FRK: variants seen among roughly 807,000 people sequenced by gnomAD.
FRK encodes fyn related Src family tyrosine kinase, also known as tyrosine-protein kinase FRK.
A neutral mutation model predicts 56.4 loss-of-function variants in FRK; 51 were observed. The observed-to-expected ratio is 0.90, with a 90% confidence interval of 0.72 to 1.14. The LOEUF (loss-of-function observed/expected upper bound fraction) is 1.14. FRK is among the 50% of genes most tolerant of loss of function. FRK has a pLI of 0.00. For missense variants in FRK, 570 were observed against 601.4 expected, an observed-to-expected ratio of 0.95 and a Z score of 0.55; for synonymous variants, 245 against 217.9, an observed-to-expected ratio of 1.12 and a Z score of -1.10.
chr6:116,014,520 T>C (rs1378616755), intron 1 of FRK, among the ~76,000 whole-genome samples: 1 of 151,882 alleles, frequency 6.6e-6, no homozygotes, highest in Non-Finnish European at 1.5e-5. Flanking sequence ...AAAAAGGTAT[T>C]TGTGAGCAGA....
At chr6:116,000,192 G>A (rs1479758110) in intron 2 of FRK, among the ~76,000 whole-genome samples, 1 of 110,678 alleles carries the variant, frequency 9.0e-6, no homozygotes, top group Non-Finnish European at 1.9e-5. Flanking sequence ...TCTACTTTAA[G>A]TTTGTTTTCC....
At chr6:116,061,948 G>GAAGA (rs1169154041), upstream of FRK, among the ~76,000 whole-genome samples, 4 of 127,664 alleles carry the variant, frequency 3.1e-5, no homozygotes, top group Admixed American at 2.3e-4. Context: ...AGAAAGAAAG[G>GAAGA]AAGAAAGAAA....
At chr6:116,020,435 G>A (rs1385135528) in intron 1 of FRK, among the ~76,000 whole-genome samples, 1 of 151,962 alleles carries the variant, frequency 6.6e-6, no homozygotes, top group Non-Finnish European at 1.5e-5. Context: ...AGGATTACAG[G>A]CACACGCCAC....
At chr6:116,027,300 T>G (rs564710067) in intron 1 of FRK, among the ~76,000 whole-genome samples, 1 of 152,304 alleles carries the variant, frequency 6.6e-6, no homozygotes, top group African/African-American at 2.4e-5. Context: ...CAGCATAATT[T>G]TTTAAACTGT....
intron 1 of FRK, among the ~76,000 whole-genome samples, chr6:116,054,924 T>C (rs1013575986): frequency 6.6e-6 from 1 of 152,100 alleles, no homozygotes; most frequent in Admixed American, 6.6e-5. Context: ...CCACATTGTT[T>C]CTATACCTAT....
At chr6:115,990,612 A>G (rs962166963) in intron 2 of FRK, among the ~76,000 whole-genome samples, 1 of 151,500 alleles carries the variant, frequency 6.6e-6, no homozygotes, top group African/African-American at 2.4e-5. Context: ...TGGGTTATCT[A>G]TTCTGTTCTA....
Position 115,940,351 on chromosome 6 carries a change from TG to T in FRK, c.*2062del, listed in dbSNP as rs1239391790. 3.9e-5 allele frequency: 6 copies of T among 152,078 alleles called. No homozygotes were observed. Among genetic ancestry groups the T allele is most frequent in the Non-Finnish European group, 7.4e-5 (5 of 68,010 alleles). 9.4% of individuals were successfully genotyped at this position (152,078 alleles called of 1,614,324 possible). The stretch of plus-strand genomic sequence containing the variant: ...ACTCAAGATGGATTAAAGACTTAAA[TG>T]TAAGACCTAAAACCATAAAAACCCT... On this transcript the variant is annotated 3_prime_UTR_variant, in exon 8 of 8. Coordinates refer to ENST00000606080, the MANE Select transcript of FRK (RefSeq NM_002031.3).
rs1734942816 is a variant in FRK at position 115,958,634 on chromosome 6, GGAAAGAAAGAAAA to G, written c.800-2037_800-2025del. Among the ~76,000 whole-genome samples the G allele has an allele frequency of 6.8e-4, 38 of 55,756 alleles. 5 individuals carry two copies. The highest frequency in any genetic ancestry group is 2.4e-3 in the African/African-American group (37 of 15,430). 36.6% of individuals were successfully genotyped at this position (55,756 alleles called of 152,430 possible). A position where few individuals can be genotyped will look rare whatever the true frequency, so the allele number is the denominator to read the frequency against. ...TAGAGTGAGACTCTGTCTCAAAAAA[GGAAAGAAAGAAAA>G]GAAAGAAAGAAAGAAAGAAAGAAAG... On this transcript the variant is annotated intron_variant, in intron 4 of 7. Coordinates refer to ENST00000606080, the MANE Select transcript of FRK (RefSeq NM_002031.3).
intron 2 of FRK, among the ~76,000 whole-genome samples, chr6:115,979,027 G>A (rs971426572): frequency 2.0e-5 from 3 of 149,782 alleles, no homozygotes; most frequent in African/African-American, 7.4e-5. Context: ...GTACTCTAGC[G>A]TGGACAACAG....
the FRK span, among the ~76,000 whole-genome samples, chr6:116,100,423 G>A: frequency 6.6e-6 from 1 of 152,234 alleles, no homozygotes; most frequent in Non-Finnish European, 1.5e-5. Flanking sequence ...GGGTCAGAGG[G>A]ATATTAGCGG....
At chr6:115,996,735 A>G (rs536911357) in intron 2 of FRK, among the ~76,000 whole-genome samples, 9 of 152,336 alleles carry the variant, frequency 5.9e-5, no homozygotes, top group African/African-American at 2.2e-4. Context: ...AAGATAGAGA[A>G]GAAGCATGAA....
At chr6:116,035,179 G>C (rs1582738971) in intron 1 of FRK, among the ~76,000 whole-genome samples, 1 of 152,042 alleles carries the variant, frequency 6.6e-6, no homozygotes, top group African/African-American at 2.4e-5. Context: ...GCAGTAATCA[G>C]AGGGGAAGTA....
At chr6:116,070,894 T>G in the FRK span, among the ~76,000 whole-genome samples, 1 of 152,146 alleles carries the variant, frequency 6.6e-6, no homozygotes, top group Non-Finnish European at 1.5e-5. Flanking sequence ...TCTTGATACA[T>G]AAGAAGTATA....
upstream of FRK, among the ~76,000 whole-genome samples, chr6:116,065,858 A>T (rs1271884663): frequency 1.3e-5 from 2 of 152,198 alleles, no homozygotes; most frequent in African/African-American, 2.4e-5. Context: ...CCTAGAACAC[A>T]GTTTATTATA....
In FRK at chr6:116,059,977, T is replaced by C; in HGVS notation, c.335A>G (p.Gln112Arg). 6.2e-7 allele frequency: 1 copy of C among 1,613,748 alleles called. No homozygotes were observed. Among genetic ancestry groups the C allele is most frequent in the Non-Finnish European group, 8.5e-7 (1 of 1,179,636 alleles). Residue 112 changes from glutamine to arginine, a missense_variant, in exon 1 of 8, where the codon CAG becomes CGG. By Grantham distance (43) the Gln-to-Arg change is conservative. Coordinates refer to ENST00000606080, the MANE Select transcript of FRK (RefSeq NM_002031.3). The part of the protein sequence containing the change: ...SNYVAEDRSL[Q>R]AEPWFFGAIG... ...AGTTTGTACTACTCACGGCTCTGCC[T>C]GTAGGCTTCTGTCCTCAGCCACGTA...
chr6:116,000,223 CTTTTTTTTTTTTTTTTTTTTT>C (rs561273499), intron 2 of FRK, among the ~76,000 whole-genome samples: 2 of 53,120 alleles, frequency 3.8e-5, no homozygotes, highest in African/African-American at 1.8e-4. Context: ...ATCATTCTTT[CTTTTTTTTTTTTTTTTTTTTT>C]TTTTTTTTTT....
At chr6:115,986,078 G>T (rs543937724) in intron 2 of FRK, among the ~76,000 whole-genome samples, 1 of 151,566 alleles carries the variant, frequency 6.6e-6, no homozygotes, top group African/African-American at 2.4e-5. Context: ...TGAAACATGG[G>T]GTTAATTATT....
intron 1 of FRK, among the ~76,000 whole-genome samples, chr6:116,008,654 T>C (rs1453743922): frequency 6.6e-6 from 1 of 152,210 alleles, no homozygotes; most frequent in Non-Finnish European, 1.5e-5. Context: ...TTGGCAGGAC[T>C]GTCATTCTGA....
At chr6:115,962,319 AG>A (rs1253671256) in intron 4 of FRK, among the ~76,000 whole-genome samples, 9 of 151,590 alleles carry the variant, frequency 5.9e-5, no homozygotes, top group Admixed American at 2.0e-4. Context: ...ATAATGGTAA[AG>A]GGATCAATTC....
Sources: allele counts gnomAD v4.1 joint callset (sites outside exome capture counted in the v4.1 genomes callset), GRCh38; gene constraint gnomAD v4.1.1; transcripts MANE v1.5; gene names NCBI Gene and HGNC (gene_info 2026-07-23, HGNC 2026-07-21).